The following NARF variants were observed in gnomAD, a reference collection of about 807,000 sequenced individuals.
The protein encoded by NARF is iron-only hydrogenase-like protein 2.
In NARF, 41 loss-of-function variants were observed where a neutral mutation model predicts 48.0. That is an observed-to-expected ratio of 0.85 (90% confidence interval 0.66 to 1.11). The LOEUF (loss-of-function observed/expected upper bound fraction) is 1.11. Among genes scored for constraint, NARF ranks in the 50% least tolerant of loss-of-function variants. NARF has a pLI of 0.00. For synonymous variants in NARF, 215 were observed against 225.5 expected (o/e 0.95, Z 0.42); for missense variants, 613 against 590.2 (o/e 1.04, Z -0.40).
chr17:82,485,692 C>T (rs776057187), intron 10 of NARF, 38 bp downstream of exon 10: 11 of 1,610,118 alleles, frequency 6.8e-6, no homozygotes, highest in East Asian at 2.2e-5. Flanking sequence ...CTGTCTCCCA[C>T]GGGTGCTCAG....
At chr17:82,471,517 G>A (rs2043704504) in intron 4 of NARF, among the ~76,000 whole-genome samples, 1 of 150,624 alleles carries the variant, frequency 6.6e-6, no homozygotes, top group South Asian at 2.1e-4. Context: ...CCCTTGCCGG[G>A]CGCGGTGGCT....
In NARF at chr17:82,478,814, G is replaced by T. The variant is rs144945214; in HGVS notation, c.535G>T (p.Ala179Ser). ...TCTCTCCCCAGGCTGGGTCCGATAC[G>T]CCGAGCGGGTGCTGGGTCGCCCCAT... Reference protein sequence around the residue: ...TSACPGWVRYAERVLGRPITA... With the variant: ...TSACPGWVRYSERVLGRPITA... Residue 179 changes from alanine (A) to serine (S), a missense_variant, in exon 6 of 11, where the codon GCC (alanine) becomes TCC (serine). By Grantham distance (99) the Ala-to-Ser change is moderately conservative. Transcript: ENST00000309794. 1.9e-6 allele frequency: 3 copies of T among 1,613,662 alleles called. No homozygotes were observed. The highest frequency in any genetic ancestry group is 2.5e-6 in the Non-Finnish European group (3 of 1,179,872).
At chr17:82,470,318 C>T (rs975933091) in intron 4 of NARF, among the ~76,000 whole-genome samples, 1 of 152,088 alleles carries the variant, frequency 6.6e-6, no homozygotes, top group African/African-American at 2.4e-5. Flanking sequence ...ATCATAAAGC[C>T]TCGGGTTAGG....
At position 82,458,837 on chromosome 17, in the gene NARF, G is replaced by C. The variant is rs764918886; in HGVS notation, c.27+7G>C. On this transcript the variant is annotated splice_region_variant and intron_variant, in intron 1 of 10. Coordinates refer to ENST00000309794, the MANE Select transcript of NARF (RefSeq NM_012336.4). Reference sequence around the variant, plus strand: ...TGAGCACTGCACGCGCAAGGTGAGCGCCGCGGGCCGGGGAGGCGCGCGCCT... The same window carrying C: ...TGAGCACTGCACGCGCAAGGTGAGCCCCGCGGGCCGGGGAGGCGCGCGCCT... 7.8e-6 allele frequency: 11 copies of C among 1,405,098 alleles called. No homozygotes were observed. In the East Asian group the frequency reaches 3.1e-4, roughly 39 times the overall value. The allele number at this position is 1,405,098 out of a possible 1,614,324, so 87.0% of individuals were successfully genotyped here.
In NARF at chr17:82,475,316, T is replaced by A. The variant is rs868450133; in HGVS notation, c.520+2618T>A. Reference sequence around the variant, plus strand: ...CAGTGGTTTTTAAATTATAAAAAATTTAGGCCGGGCGCAGTGGCTCACGCC... The same window carrying A: ...CAGTGGTTTTTAAATTATAAAAAATATAGGCCGGGCGCAGTGGCTCACGCC... On this transcript the variant is annotated intron_variant, in intron 5 of 10. Transcript: ENST00000309794. 2.6e-5 allele frequency among the ~76,000 whole-genome samples: 4 copies of A among 152,272 alleles called. 1 individual carries two copies. The South Asian group carries it at 8.3e-4, about 32-fold the overall frequency.
chr17:82,486,404 C>T (rs1309010185), intron 10 of NARF, among the ~76,000 whole-genome samples: 1 of 152,102 alleles, frequency 6.6e-6, no homozygotes, highest in Non-Finnish European at 1.5e-5. Context: ...AGGAGCGGCT[C>T]CACTGATGTT....
chr17:82,477,222 G>C (rs2043853509), intron 5 of NARF: 1 of 151,938 alleles, frequency 6.6e-6, no homozygotes. Context: ...GACAGAGTCA[G>C]GCCAGGCAGG....
At chr17:82,483,584 T>C in intron 7 of NARF, 132 bp from the exon 8 acceptor site, 1 of 760,746 alleles carries the variant, frequency 1.3e-6, no homozygotes, top group Admixed American at 2.1e-5. Context: ...TTAGATGGAC[T>C]CCTGCTGTGT....
chr17:82,480,211 G>A (rs1465935765), intron 6 of NARF, among the ~76,000 whole-genome samples: 1 of 152,198 alleles, frequency 6.6e-6, no homozygotes, highest in Non-Finnish European at 1.5e-5. Flanking sequence ...GCTCTGTGTG[G>A]ACCCAGGAGA....
intron 3 of NARF, among the ~76,000 whole-genome samples, chr17:82,467,077 C>A (rs928285076): frequency 1.3e-5 from 2 of 151,904 alleles, no homozygotes; most frequent in African/African-American, 4.8e-5. Context: ...GATGGAGTCT[C>A]ACTCTGTCGC....
chr17:82,484,720 T>G, intron 8 of NARF, 93 bp from the exon 9 acceptor site: 1 of 1,446,998 alleles, frequency 6.9e-7, no homozygotes, highest in South Asian at 1.4e-5. Context: ...GTGGCGAACT[T>G]GGATTGTGAT....
chr17:82,460,170 A>G (rs770972835), intron 2 of NARF, 98 bp downstream of exon 2: 2 of 1,033,208 alleles, frequency 1.9e-6, no homozygotes, highest in Admixed American at 4.4e-5. Flanking sequence ...ACTGCTTTAA[A>G]GAAGACTGAA....
At chr17:82,474,582 G>A (rs1464601464) in intron 5 of NARF, among the ~76,000 whole-genome samples, 1 of 152,122 alleles carries the variant, frequency 6.6e-6, no homozygotes, top group Non-Finnish European at 1.5e-5. Context: ...TAATTTTTAG[G>A]GTTTGGTTCA....
upstream of NARF, chr17:82,458,470 A>C: frequency 3.3e-6 from 1 of 303,978 alleles, no homozygotes; most frequent in Non-Finnish European, 6.1e-6. Context: ...GACCCACGAG[A>C]AGCGGAAACC....
chr17:82,470,383 C>T (rs1267364021), intron 4 of NARF, among the ~76,000 whole-genome samples: 2 of 152,140 alleles, frequency 1.3e-5, no homozygotes, highest in Non-Finnish European at 2.9e-5. Flanking sequence ...ACGATGAAAG[C>T]CCTTATTTGG....
intron 4 of NARF, 72 bp downstream of exon 4, chr17:82,468,968 C>T (rs2043635817): frequency 9.5e-6 from 15 of 1,572,152 alleles, no homozygotes; most frequent in South Asian, 2.3e-5. Context: ...CTCTAAAGTT[C>T]GTTTTTCAAG....
chr17:82,478,938 G>A lies in NARF; in HGVS notation c.639+20G>A. 6.2e-7 allele frequency: 1 copy of A among 1,601,866 alleles called. No homozygotes were observed. The highest frequency in any genetic ancestry group is 8.5e-7 in the Non-Finnish European group (1 of 1,170,802). On this transcript the variant is annotated intron_variant, in intron 6 of 10. Transcript: ENST00000309794. ...CAGCAGGTAAGCTGACCTCTCTGGA[G>A]GGCAGGAAGGGCAGGTGAGGGAGGA...
At chr17:82,461,135 A>T (rs907974873) in intron 2 of NARF, 2 of 151,600 alleles carry the variant, frequency 1.3e-5, no homozygotes, top group Admixed American at 6.6e-5. Flanking sequence ...TGTTGCCCAG[A>T]TTGGTCTTGA....
rs2044174457 is a variant in NARF, at chr17:82,490,333, A to T, written c.*2176A>T. Reference sequence around the variant, plus strand: ...GCCTTCCCAGCCCTCCGTGCTGCAGAGCCTCTGCTCGCTAGGCTGCCTTCA... The same window carrying T: ...GCCTTCCCAGCCCTCCGTGCTGCAGTGCCTCTGCTCGCTAGGCTGCCTTCA... On this transcript the variant is annotated 3_prime_UTR_variant, in exon 11 of 11. Coordinates refer to ENST00000309794, the MANE Select transcript of NARF (RefSeq NM_012336.4). 1 of 152,294 alleles carries T rather than the reference A, an allele frequency of 6.6e-6. No homozygotes were observed. Among genetic ancestry groups the T allele is most frequent in the African/African-American group, 2.4e-5 (1 of 41,452 alleles). 9.4% of individuals were successfully genotyped at this position (152,294 alleles called of 1,614,324 possible).
Sources: allele counts gnomAD v4.1 joint callset (sites outside exome capture counted in the v4.1 genomes callset), GRCh38; gene constraint gnomAD v4.1.1; transcripts MANE v1.5; gene names NCBI Gene and HGNC (gene_info 2026-07-23, HGNC 2026-07-21).